SRGAP2C: variants seen among roughly 807,000 people sequenced by gnomAD.
SRGAP2C encodes the protein SLIT-ROBO Rho GTPase-activating protein 2C.
SRGAP2C carries 15 observed loss-of-function variants against 25.1 expected under a neutral mutation model. The ratio of observed to expected loss-of-function variants is 0.60; its 90% CI spans 0.40 to 0.92. The LOEUF is 0.92. Ranked by LOEUF, SRGAP2C falls within the 40% of genes least tolerant of loss-of-function variation. The pLI is 0.00. For synonymous variants in SRGAP2C, 44 were observed against 96.6 expected (o/e 0.46, Z 3.19); for missense variants, 144 against 264.4 (o/e 0.54, Z 3.16).
chr1:121,372,034 A>G (rs1457941572), intron 5 of SRGAP2C, among the ~76,000 whole-genome samples: 1 of 152,170 alleles, frequency 6.6e-6, no homozygotes, highest in African/African-American at 2.4e-5. Flanking sequence ...AAACACCATT[A>G]GTTGTTAAGT....
chr1:121,233,171 G>A, intron 2 of SRGAP2C, among the ~76,000 whole-genome samples: 1 of 132,018 alleles, frequency 7.6e-6, no homozygotes, highest in Middle Eastern at 3.9e-3. Flanking sequence ...TTTTGAGACA[G>A]AGTCTTGCTC....
intron 2 of SRGAP2C, among the ~76,000 whole-genome samples, chr1:121,207,613 G>A (rs587724754): frequency 4.8e-4 from 73 of 152,310 alleles, no homozygotes; most frequent in East Asian, 7.7e-4. Context: ...GGGAGATGGC[G>A]CTTTGATAGA....
At chr1:121,304,054 A>G (rs1381825935) in intron 3 of SRGAP2C, among the ~76,000 whole-genome samples, 1 of 151,470 alleles carries the variant, frequency 6.6e-6, no homozygotes, top group Non-Finnish European at 1.5e-5. Context: ...AAATACAAAA[A>G]AAAAAAATTA....
chr1:121,289,176 T>TC (rs1392620927), intron 3 of SRGAP2C, among the ~76,000 whole-genome samples: 3 of 148,706 alleles, frequency 2.0e-5, no homozygotes, highest in Non-Finnish European at 4.5e-5. Context: ...TCGGGGAGGC[T>TC]CCGGCCGCAC....
chr1:121,271,454 G>A (rs587697048), intron 2 of SRGAP2C, among the ~76,000 whole-genome samples: 32 of 151,762 alleles, frequency 2.1e-4, no homozygotes, highest in African/African-American at 5.1e-4. Flanking sequence ...AGGAGGATAC[G>A]GAATGTACAG....
intron 3 of SRGAP2C, among the ~76,000 whole-genome samples, chr1:121,294,490 T>C (rs1452242269): frequency 7.0e-6 from 1 of 143,468 alleles, no homozygotes; most frequent in African/African-American, 2.6e-5. Flanking sequence ...TTGAAGAGCA[T>C]AAATGTATTC....
intron 3 of SRGAP2C, among the ~76,000 whole-genome samples, chr1:121,289,055 G>A (rs1216170559): frequency 6.2e-5 from 9 of 145,308 alleles, no homozygotes; most frequent in Non-Finnish European, 9.1e-5. Context: ...AGTGGATCCC[G>A]CACCGGGGCT....
At chr1:121,356,998 TCC>T (rs1659078891) in intron 4 of SRGAP2C, among the ~76,000 whole-genome samples, 1 of 150,924 alleles carries the variant, frequency 6.6e-6, no homozygotes, top group African/African-American at 2.4e-5. Context: ...TCCCCTGAAC[TCC>T]CACCCTTGTC....
In SRGAP2C at chr1:121,335,726, A is replaced by G. The variant is rs1480823824; in HGVS notation, c.423+11086A>G. Among the ~76,000 whole-genome samples, 8 of 148,522 alleles carry G rather than the reference A, an allele frequency of 5.4e-5. No homozygotes were observed. The Admixed American group carries it at 5.4e-4, about 10-fold the overall frequency. ...CTTCAGCCTCCCAATTATTGTATGT[A>G]TATTTTTAAAACATAGTTGGCAATT... On this transcript the variant is annotated intron_variant, in intron 4 of 9. Transcript: ENST00000367123.
At chr1:121,305,498 C>G (rs1447901373) in intron 3 of SRGAP2C, among the ~76,000 whole-genome samples, 17 of 38,952 alleles carry the variant, frequency 4.4e-4, no homozygotes, top group Non-Finnish European at 6.5e-4. Context: ...ATTCTGATGA[C>G]CTGGCCATTT....
chr1:121,207,949 G>A (rs782611948), intron 2 of SRGAP2C, among the ~76,000 whole-genome samples: 77 of 152,076 alleles, frequency 5.1e-4, no homozygotes, highest in Non-Finnish European at 8.2e-4. Context: ...TCAGCTGGAG[G>A]TCAGAGGCTT....
intron 2 of SRGAP2C, among the ~76,000 whole-genome samples, chr1:121,221,996 C>G (rs1655537492): frequency 6.6e-6 from 1 of 152,118 alleles, no homozygotes; most frequent in Admixed American, 6.5e-5. Flanking sequence ...TGTCACTCTT[C>G]TTCAGTTTCA....
chr1:121,195,213 C>T (rs868934214), intron 2 of SRGAP2C, among the ~76,000 whole-genome samples: 21 of 152,262 alleles, frequency 1.4e-4, no homozygotes, highest in African/African-American at 4.8e-4. Flanking sequence ...GAGTTCGAGA[C>T]CAGCCTGGCC....
At chr1:121,212,362 C>T (rs1655284475) in intron 2 of SRGAP2C, among the ~76,000 whole-genome samples, 1 of 151,888 alleles carries the variant, frequency 6.6e-6, no homozygotes, top group African/African-American at 2.4e-5. Flanking sequence ...AAACACTTGA[C>T]CTCGTGATCT....
chr1:121,310,449 T>C (rs1657956031), intron 3 of SRGAP2C, among the ~76,000 whole-genome samples: 1 of 134,054 alleles, frequency 7.5e-6, no homozygotes, highest in African/African-American at 2.9e-5. Flanking sequence ...TTTGTCAATT[T>C]TGGCTTTTGT....
intron 4 of SRGAP2C, chr1:121,360,121 CAGTG>C (rs1659157055): frequency 6.6e-6 from 1 of 151,830 alleles, no homozygotes; most frequent in Non-Finnish European, 1.5e-5. Context: ...TTCTTGAAGT[CAGTG>C]AGACCAAGAA....
intron 3 of SRGAP2C, among the ~76,000 whole-genome samples, chr1:121,293,285 G>C (rs1657528871): frequency 8.0e-6 from 1 of 125,596 alleles, no homozygotes; most frequent in South Asian, 2.5e-4. Context: ...ACCTGGAAAA[G>C]ATAGGGGCCA....
intron 2 of SRGAP2C, among the ~76,000 whole-genome samples, chr1:121,195,372 TGCACTCTA>T (rs1553320442): frequency 6.7e-6 from 1 of 150,118 alleles, no homozygotes; most frequent in Non-Finnish European, 1.5e-5. Context: ...ATCATGCCAC[TGCACTCTA>T]GCCTGGGTGA....
chr1:121,370,731 A>G (rs1659464319), intron 5 of SRGAP2C, among the ~76,000 whole-genome samples: 1 of 151,674 alleles, frequency 6.6e-6, no homozygotes, highest in Non-Finnish European at 1.5e-5. Flanking sequence ...GGCATGAGCC[A>G]CCATGCCCGG....
Sources: allele counts gnomAD v4.1 joint callset (sites outside exome capture counted in the v4.1 genomes callset), GRCh38; gene constraint gnomAD v4.1.1; transcripts MANE v1.5; gene names NCBI Gene and HGNC (gene_info 2026-07-23, HGNC 2026-07-21).